EPS15: variants seen among roughly 807,000 people sequenced by gnomAD.
EPS15 encodes the protein epidermal growth factor receptor pathway substrate 15.
Under a neutral mutation model 113.8 loss-of-function variants are expected in EPS15, and 72 were observed. The observed-to-expected ratio is 0.63, with a 90% confidence interval of 0.52 to 0.77. The LOEUF (loss-of-function observed/expected upper bound fraction) is 0.77, where lower values mean the gene tolerates loss of function less well. Ranked by LOEUF, EPS15 falls within the 30% of genes least tolerant of loss-of-function variation. The pLI, the probability that EPS15 is intolerant of heterozygous loss-of-function variation, is 0.00. For missense variants in EPS15, 1,048 were observed against 1,045.8 expected (o/e 1.00, Z -0.03); for synonymous variants, 344 against 363.4 (o/e 0.95, Z 0.61).
chr1:51,433,956 G>A lies in EPS15; in HGVS notation c.1040+6391C>T, dbSNP rs367546949. Reference sequence around the variant, plus strand: ...TCTTAGTAGTTTCATCTTTTCCACTGCCAAGAACTTCTCTAACTGAGGCAT... The same window carrying A: ...TCTTAGTAGTTTCATCTTTTCCACTACCAAGAACTTCTCTAACTGAGGCAT... On this transcript the variant is annotated intron_variant, in intron 12 of 24. Transcript: ENST00000371733. 1.1e-4 allele frequency among the ~76,000 whole-genome samples: 16 copies of A among 152,294 alleles called. 1 individual carries two copies. The highest frequency in any genetic ancestry group is 3.6e-4 in the African/African-American group (15 of 41,552).
intron 20 of EPS15, chr1:51,397,166 C>T (rs983151396): frequency 6.6e-6 from 1 of 152,218 alleles, no homozygotes; most frequent in African/African-American, 2.4e-5. Flanking sequence ...AGGTGGGAGC[C>T]ACCACACCTG....
intron 12 of EPS15, chr1:51,422,207 G>T: frequency 3.5e-6 from 1 of 285,506 alleles, no homozygotes; most frequent in Non-Finnish European, 6.0e-6. Flanking sequence ...AGGAGGGGTT[G>T]CATCAGCTCT....
intron 16 of EPS15, 48 bp from the exon 17 acceptor site, chr1:51,403,580 G>A (rs746506518): frequency 3.7e-6 from 4 of 1,077,854 alleles, no homozygotes; most frequent in South Asian, 3.3e-5. Flanking sequence ...TTTTGACATG[G>A]CAGAGAAAAC....
At chr1:51,470,360 C>G (rs1026026077) in intron 4 of EPS15, among the ~76,000 whole-genome samples, 1 of 151,958 alleles carries the variant, frequency 6.6e-6, no homozygotes, top group Non-Finnish European at 1.5e-5. Flanking sequence ...ACTTAAAAAT[C>G]TGGGCCAGGC....
chr1:51,369,957 A>G (rs924639002), intron 21 of EPS15, among the ~76,000 whole-genome samples: 1 of 152,254 alleles, frequency 6.6e-6, no homozygotes, highest in Non-Finnish European at 1.5e-5. Context: ...CCAAACAAAT[A>G]TAACATTTCT....
At chr1:51,394,869 T>A (rs1647770020) in intron 20 of EPS15, among the ~76,000 whole-genome samples, 1 of 152,150 alleles carries the variant, frequency 6.6e-6, no homozygotes, top group Non-Finnish European at 1.5e-5. Flanking sequence ...TTTTTACTTA[T>A]TTTTTAGAGA....
chr1:51,375,202 T>C (rs1228917048), intron 21 of EPS15, among the ~76,000 whole-genome samples: 1 of 151,450 alleles, frequency 6.6e-6, no homozygotes, highest in Non-Finnish European at 1.5e-5. Flanking sequence ...AGGGTTTCAC[T>C]GTGTTAGCTA....
intron 12 of EPS15, among the ~76,000 whole-genome samples, chr1:51,438,885 G>A (rs752931669): frequency 2.0e-5 from 3 of 151,190 alleles, no homozygotes; most frequent in African/African-American, 4.9e-5. Context: ...TTTTTTCCGT[G>A]AGTAAGGACA....
chr1:51,507,662 G>GAAA (rs34305972), intron 1 of EPS15, among the ~76,000 whole-genome samples: 21 of 125,672 alleles, frequency 1.7e-4, no homozygotes, highest in African/African-American at 5.9e-4. Context: ...CTCCATCTCA[G>GAAA]AAAAAAAAAA....
intron 1 of EPS15, among the ~76,000 whole-genome samples, chr1:51,499,953 T>TC (rs1644384629): frequency 6.6e-6 from 1 of 152,238 alleles, no homozygotes; most frequent in African/African-American, 2.4e-5. Context: ...AACACTTAAC[T>TC]CCCCTTCAAC....
At chr1:51,392,868 A>C (rs1310041002) in intron 21 of EPS15, among the ~76,000 whole-genome samples, 1 of 152,170 alleles carries the variant, frequency 6.6e-6, no homozygotes, top group Non-Finnish European at 1.5e-5. Flanking sequence ...AAACGTATTA[A>C]CCTTTCATTT....
At position 51,443,620 on chromosome 1, in the gene EPS15, C is replaced by CA. The variant is rs892607772; in HGVS notation, c.954+1268dup. Among the ~76,000 whole-genome samples the CA allele has an allele frequency of 2.8e-4, 36 of 128,244 alleles. 1 individual carries two copies. Among genetic ancestry groups the CA allele is most frequent in the Admixed American group, 9.5e-4 (11 of 11,582 alleles). 84.1% of individuals were successfully genotyped at this position (128,244 alleles called of 152,430 possible). On this transcript the variant is annotated intron_variant, in intron 11 of 24. Transcript: ENST00000371733. ...TAGCTATAAATTCCATTTAGCTTAC[C>CA]AAAAAAATCCAATTTTCTTTCTTTC...
At chr1:51,477,687 A>C (rs1643935882) in intron 2 of EPS15, among the ~76,000 whole-genome samples, 1 of 152,070 alleles carries the variant, frequency 6.6e-6, no homozygotes, top group African/African-American at 2.4e-5. Context: ...GAACATCTTT[A>C]TTTCTGCCTT....
chr1:51,354,957 G>C lies in EPS15; in HGVS notation c.*1743C>G, dbSNP rs1406988165. 9.2e-6 allele frequency: 2 copies of C among 216,320 alleles called. No homozygotes were observed. Among genetic ancestry groups the C allele is most frequent in the African/African-American group, 2.3e-5 (1 of 44,356 alleles). 13.4% of individuals were successfully genotyped at this position (216,320 alleles called of 1,614,324 possible). ...CAAGTCAACTTACCTTTATCCTAAG[G>C]AGTAAGAGGAAGAAAATAAACAAAA... On this transcript the variant is annotated 3_prime_UTR_variant, in exon 25 of 25. Coordinates refer to ENST00000371733, the MANE Select transcript of EPS15 (RefSeq NM_001981.3).
chr1:51,434,451 A>G (rs538481729), intron 12 of EPS15, among the ~76,000 whole-genome samples: 25 of 152,344 alleles, frequency 1.6e-4, no homozygotes, highest in African/African-American at 5.3e-4. Flanking sequence ...TCATAAAAAG[A>G]CAAATATCTC....
At chr1:51,413,361 A>G (rs77910451) in intron 13 of EPS15, among the ~76,000 whole-genome samples, 3,333 of 152,324 alleles carry the variant, frequency 0.022, 30 homozygotes, top group Middle Eastern at 0.034. Context: ...CTTCTAAAGG[A>G]CAGTGTCCAT....
chr1:51,428,826 CAA>C (rs902706524), intron 12 of EPS15, among the ~76,000 whole-genome samples: 2,131 of 53,678 alleles, frequency 0.04, 8 homozygotes, highest in Middle Eastern at 0.076. Flanking sequence ...GACTCCATCT[CAA>C]AAAAAAAAAA....
chr1:51,450,262 C>G (rs575258764), intron 8 of EPS15, among the ~76,000 whole-genome samples: 7 of 151,780 alleles, frequency 4.6e-5, no homozygotes, highest in African/African-American at 1.5e-4. Context: ...TATTTTAGTC[C>G]GTTTTTGTAT....
chr1:51,514,202 G>A (rs1053161433), intron 1 of EPS15, among the ~76,000 whole-genome samples: 1 of 151,978 alleles, frequency 6.6e-6, no homozygotes, highest in African/African-American at 2.4e-5. Flanking sequence ...AATTAATGAA[G>A]GCATACCTTG....
Sources: gnomAD v4.1 joint callset for allele counts (sites outside exome capture counted in the v4.1 genomes callset) on GRCh38, gnomAD v4.1.1 for gene constraint, MANE v1.5 for transcripts, NCBI Gene and HGNC (gene_info 2026-07-23, HGNC 2026-07-21) for gene names.